NTRK2: variants seen among roughly 807,000 people sequenced by gnomAD.
NTRK2 encodes neurotrophic receptor tyrosine kinase 2.
Under a neutral mutation model 94.5 loss-of-function variants are expected in NTRK2, and 13 were observed. The ratio of observed to expected loss-of-function variants is 0.14; its 90% CI spans 0.09 to 0.22. NTRK2 has a LOEUF of 0.22. Ranked by LOEUF, NTRK2 falls within the 10% of genes least tolerant of loss-of-function variation. NTRK2 has a pLI of 1.00. For synonymous variants in NTRK2, 372 were observed against 407.4 expected, an observed-to-expected ratio of 0.91 and a Z score of 1.05; for missense variants, 639 against 1,071.2, an observed-to-expected ratio of 0.60 and a Z score of 5.63.
chr9:85,011,958 A>ATTATTTTATTTTATTTTATT (rs57166564), intron 17 of NTRK2, among the ~76,000 whole-genome samples: 13,320 of 131,594 alleles, frequency 0.1, 1,008 homozygotes, highest in East Asian at 0.17. Flanking sequence ...TATGTAGAGC[A>ATTATTTTATTTTATTTTATT]TTATTTTATT....
chr9:84,748,175 TCAAACAACTGAC>T (rs2064264418), intron 11 of NTRK2, among the ~76,000 whole-genome samples: 2 of 152,244 alleles, frequency 1.3e-5, no homozygotes, highest in South Asian at 4.2e-4. Context: ...AACCAACCAA[TCAAACAACTGAC>T]CAAACAAACT....
At chr9:84,984,161 G>A (rs574055812) in intron 17 of NTRK2, among the ~76,000 whole-genome samples, 3 of 152,166 alleles carry the variant, frequency 2.0e-5, no homozygotes, top group South Asian at 2.1e-4. Context: ...AGTAAGAGTC[G>A]CCTGGAGGCC....
chr9:84,803,452 C>G (rs2070736527), intron 12 of NTRK2, among the ~76,000 whole-genome samples: 1 of 152,208 alleles, frequency 6.6e-6, no homozygotes, highest in Non-Finnish European at 1.5e-5. Flanking sequence ...CTACCTTGGT[C>G]TGGGAGCAGG....
At chr9:84,822,003 A>C (rs1281751660) in intron 12 of NTRK2, among the ~76,000 whole-genome samples, 1 of 152,154 alleles carries the variant, frequency 6.6e-6, no homozygotes, top group African/African-American at 2.4e-5. Context: ...GAGAGTGACA[A>C]CCTGTGTTTG....
At chr9:84,812,124 T>C (rs1378758589) in intron 12 of NTRK2, 1 of 1,059,470 alleles carries the variant, frequency 9.4e-7, no homozygotes, top group African/African-American at 1.6e-5. Flanking sequence ...GATTTTTAAC[T>C]AGTCCAACAC....
At chr9:84,910,530 G>C (rs540362241) in intron 14 of NTRK2, among the ~76,000 whole-genome samples, 15 of 152,220 alleles carry the variant, frequency 9.9e-5, no homozygotes, top group African/African-American at 3.1e-4. Flanking sequence ...CTCTAATCCA[G>C]AGTGATCTGA....
At chr9:84,697,802 C>T (rs2131629546) in intron 2 of NTRK2, among the ~76,000 whole-genome samples, 1 of 152,246 alleles carries the variant, frequency 6.6e-6, no homozygotes, top group Non-Finnish European at 1.5e-5. Context: ...TTTGGGTGGT[C>T]CAGGGAACCA....
chr9:84,836,000 C>G (rs1029140522), intron 12 of NTRK2, among the ~76,000 whole-genome samples: 1 of 151,978 alleles, frequency 6.6e-6, no homozygotes, highest in African/African-American at 2.4e-5. Flanking sequence ...TGTGCCAAGG[C>G]ATAATGCTAG....
intron 2 of NTRK2, among the ~76,000 whole-genome samples, chr9:84,700,680 T>C (rs1364662000): frequency 2.6e-5 from 4 of 152,210 alleles, no homozygotes; most frequent in African/African-American, 9.7e-5. Context: ...TCATTTTCTT[T>C]CACACAGTGG....
chr9:84,739,982 C>T (rs1045425081), intron 9 of NTRK2, among the ~76,000 whole-genome samples: 21 of 152,106 alleles, frequency 1.4e-4, no homozygotes, highest in Admixed American at 1.4e-3. Flanking sequence ...GTTATGATGA[C>T]GTGGAAGGCT....
chr9:84,783,387 A>C (rs1389686240), intron 12 of NTRK2, among the ~76,000 whole-genome samples: 2 of 152,230 alleles, frequency 1.3e-5, no homozygotes, highest in Non-Finnish European at 2.9e-5. Flanking sequence ...TTGGCTCTGA[A>C]TAATTCTCAG....
chr9:84,870,097 CTATATATATATATATATA>C (rs67434914), intron 14 of NTRK2, among the ~76,000 whole-genome samples: 2 of 99,698 alleles, frequency 2.0e-5, no homozygotes, highest in South Asian at 4.0e-4. Flanking sequence ...TTCCCATTGA[CTATATATATATATATATA>C]TATATATATA....
intron 14 of NTRK2, among the ~76,000 whole-genome samples, chr9:84,918,484 A>T (rs1028792983): frequency 2.6e-5 from 4 of 152,160 alleles, no homozygotes; most frequent in Non-Finnish European, 1.5e-5. Flanking sequence ...GGTTATTTGC[A>T]CTGGGGAGGT....
rs189787301 is a variant in NTRK2, at chr9:84,838,035, T to G, written c.1397-23005T>G. On this transcript the variant is annotated intron_variant, in intron 12 of 18. Transcript: ENST00000277120. ...AATATATTAATAATTATAGATATTA[T>G]GCTTTCTTCAAAAATAGTGGAGAAT... Among the ~76,000 whole-genome samples, 250 of 152,344 alleles carry G rather than the reference T, an allele frequency of 1.6e-3. 1 individual carries two copies. Among genetic ancestry groups the G allele is most frequent in the African/African-American group, 5.7e-3 (238 of 41,592 alleles).
intron 15 of NTRK2, among the ~76,000 whole-genome samples, chr9:84,935,853 ATC>A (rs1276644094): frequency 6.6e-6 from 1 of 152,140 alleles, no homozygotes; most frequent in Non-Finnish European, 1.5e-5. Context: ...TTCTTACTGT[ATC>A]TTTTTTTTCC....
intron 12 of NTRK2, among the ~76,000 whole-genome samples, chr9:84,793,151 T>C (rs2068905117): frequency 1.3e-5 from 2 of 152,226 alleles, no homozygotes; most frequent in African/African-American, 4.8e-5. Context: ...CAGTCACTTC[T>C]TGCAAAAGCC....
At chr9:84,788,816 C>T (rs1300413803) in intron 12 of NTRK2, among the ~76,000 whole-genome samples, 1 of 151,984 alleles carries the variant, frequency 6.6e-6, no homozygotes, top group Non-Finnish European at 1.5e-5. Context: ...GAGTTTGGTG[C>T]AGGGTTCCAC....
intron 17 of NTRK2, among the ~76,000 whole-genome samples, chr9:84,985,219 T>C (rs1828148055): frequency 6.6e-6 from 1 of 152,254 alleles, no homozygotes; most frequent in African/African-American, 2.4e-5. Flanking sequence ...TCCTTTTCTA[T>C]GAGTGATTCA....
rs1291697224 is a variant in NTRK2 at position 84,864,342 on chromosome 9, G to A, written c.1445-2901G>A. ...CATAAGAATGATACCAAGGACTTCC[G>A]GGACTGTGGGGAAAGGGTGGGAGGG... On this transcript the variant is annotated intron_variant, in intron 13 of 18. Transcript: ENST00000277120. Among the ~76,000 whole-genome samples, 17 of 152,150 alleles carry A rather than the reference G, an allele frequency of 1.1e-4. No individual in the cohort carries two copies. In the East Asian group the frequency reaches 3.3e-3, roughly 29 times the overall value.
Sources: gnomAD v4.1 joint callset for allele counts (sites outside exome capture counted in the v4.1 genomes callset) on GRCh38, gnomAD v4.1.1 for gene constraint, MANE v1.5 for transcripts, NCBI Gene and HGNC (gene_info 2026-07-23, HGNC 2026-07-21) for gene names.